Variants in CDR2 observed in about 807,000 individuals in gnomAD.
CDR2 encodes the protein cerebellar degeneration-related protein 2.
Under a neutral mutation model 48.4 loss-of-function variants are expected in CDR2, and 34 were observed. The ratio of observed to expected loss-of-function variants is 0.70; its 90% confidence interval spans 0.53 to 0.94. The LOEUF (loss-of-function observed/expected upper bound fraction) is 0.94. Among genes scored for constraint, CDR2 ranks in the 40% least tolerant of loss-of-function variants. The pLI is 0.00. For missense variants in CDR2, 498 were observed against 549.5 expected, an observed-to-expected ratio of 0.91 and a Z score of 0.94; for synonymous variants, 240 against 219.7, an observed-to-expected ratio of 1.09 and a Z score of -0.82.
chr16:22,372,919 A>G (rs2049088027), intron 1 of CDR2, among the ~76,000 whole-genome samples: 1 of 152,210 alleles, frequency 6.6e-6, no homozygotes, highest in Non-Finnish European at 1.5e-5. Context: ...TGATCATTTA[A>G]TATTCAACTA....
intron 1 of CDR2, chr16:22,369,052 C>T (rs1314923075): frequency 6.6e-6 from 1 of 152,088 alleles, no homozygotes; most frequent in African/African-American, 2.4e-5. Flanking sequence ...AAAACATTAC[C>T]TAGGTATTAC....
At chr16:22,351,953 A>T (rs2048944780) in intron 2 of CDR2, among the ~76,000 whole-genome samples, 1 of 152,198 alleles carries the variant, frequency 6.6e-6, no homozygotes, top group Non-Finnish European at 1.5e-5. Flanking sequence ...TTGACTTTAA[A>T]AACACTCTTC....
intron 2 of CDR2, among the ~76,000 whole-genome samples, chr16:22,360,970 G>A (rs1478432372): frequency 6.6e-6 from 1 of 151,940 alleles, no homozygotes; most frequent in Non-Finnish European, 1.5e-5. Flanking sequence ...GGCTGGTCTC[G>A]AACTCCTGAC....
At chr16:22,357,137 C>T (rs1285059919) in intron 2 of CDR2, among the ~76,000 whole-genome samples, 1 of 152,134 alleles carries the variant, frequency 6.6e-6, no homozygotes, top group Non-Finnish European at 1.5e-5. Flanking sequence ...CAATCTTGGT[C>T]TCCCAGGTTC....
At position 22,351,596 on chromosome 16, in the gene CDR2, C is replaced by T. The variant is rs142082382; in HGVS notation, c.193-1747G>A. Among the ~76,000 whole-genome samples, 255 of 152,238 alleles carry T rather than the reference C, an allele frequency of 1.7e-3. 2 individuals are homozygous for T. Among genetic ancestry groups the T allele is most frequent in the African/African-American group, 5.9e-3 (246 of 41,522 alleles). On this transcript the variant is annotated intron_variant, in intron 2 of 4. Transcript: ENST00000268383. ...AAAAATGAAAAGTATGTTGCTTTGA[C>T]GAGAAATATATTTTAGCTTAATATG...
rs746533834 is a variant in CDR2, at chr16:22,374,341, C to T, written c.-32G>A. ...TGGGTCTTCTAGGGGCAGCGGCCCC[C>T]GCCGCCGTCCCGCCTCAGCCGCTGC... On this transcript the variant is annotated 5_prime_UTR_variant, in exon 1 of 5. Coordinates refer to ENST00000268383, the MANE Select transcript of CDR2 (RefSeq NM_001802.2). The T allele has an allele frequency of 4.0e-6, 6 of 1,488,884 alleles. No homozygotes were observed. The highest frequency in any genetic ancestry group is 5.5e-6 in the Non-Finnish European group (6 of 1,083,962). 92.2% of individuals were successfully genotyped at this position (1,488,884 alleles called of 1,614,324 possible). A position where few individuals can be genotyped will look rare whatever the true frequency, so the allele number is the denominator to read the frequency against.
rs758733009 is a variant in CDR2, at chr16:22,346,923, C to T, written c.*42G>A. 4.3e-5 allele frequency: 67 copies of T among 1,572,966 alleles called. No homozygotes were observed. The highest frequency in any genetic ancestry group is 9.4e-5 in the South Asian group (8 of 84,826). On this transcript the variant is annotated 3_prime_UTR_variant, in exon 5 of 5. Coordinates refer to ENST00000268383, the MANE Select transcript of CDR2 (RefSeq NM_001802.2). ...CACTTGTCTGAATGGGAGAGAGAGG[C>T]GATAGGCAATAGGCAAATTAGTAGT...
At chr16:22,356,899 C>CCACTG (rs2048977494) in intron 2 of CDR2, among the ~76,000 whole-genome samples, 1 of 147,952 alleles carries the variant, frequency 6.8e-6, no homozygotes. Context: ...CAAGATCATG[C>CCACTG]CACTGCACTC....
intron 1 of CDR2, among the ~76,000 whole-genome samples, chr16:22,365,375 G>T (rs765236166): frequency 3.3e-5 from 5 of 152,186 alleles, no homozygotes; most frequent in Non-Finnish European, 5.9e-5. Flanking sequence ...TTGAGCCAAG[G>T]TATAGGTGGA....
chr16:22,349,199 T>G, intron 4 of CDR2, 80 bp downstream of exon 4: 1 of 1,477,246 alleles, frequency 6.8e-7, no homozygotes. Context: ...AAAATGGTAC[T>G]TTCAATCTAC....
At chr16:22,362,360 C>T (rs1007137994) in intron 2 of CDR2, among the ~76,000 whole-genome samples, 1 of 152,150 alleles carries the variant, frequency 6.6e-6, no homozygotes, top group Non-Finnish European at 1.5e-5. Flanking sequence ...AATGATCTAG[C>T]TTAAATGTTT....
Position 22,374,373 on chromosome 16 carries a change from C to T in CDR2, c.-64G>A. The T allele has an allele frequency of 8.2e-7, 1 of 1,219,992 alleles. No homozygotes were observed. Among genetic ancestry groups the T allele is most frequent in the Non-Finnish European group, 1.2e-6 (1 of 855,194 alleles). The allele number at this position is 1,219,992 out of a possible 1,614,324, so 75.6% of individuals were successfully genotyped here. ...GTCCCGCCTCAGCCGCTGCCCCGGG[C>T]TCTTCCCCGGCCCCTCCGCCCTCAG... On this transcript the variant is annotated 5_prime_UTR_variant, in exon 1 of 5. Transcript: ENST00000268383.
At chr16:22,355,347 A>G (rs566292903) in intron 2 of CDR2, among the ~76,000 whole-genome samples, 3 of 152,286 alleles carry the variant, frequency 2.0e-5, no homozygotes, top group South Asian at 2.1e-4. Flanking sequence ...ACGATCCCCT[A>G]TCCGGGGGGA....
chr16:22,359,696 G>A (rs1463228436), intron 2 of CDR2, among the ~76,000 whole-genome samples: 1 of 152,150 alleles, frequency 6.6e-6, no homozygotes, highest in Non-Finnish European at 1.5e-5. Flanking sequence ...AATTAAAATT[G>A]AGGGTTTAAA....
intron 2 of CDR2, among the ~76,000 whole-genome samples, chr16:22,361,897 C>CTTTTT: frequency 1.5e-5 from 1 of 68,140 alleles, no homozygotes. Flanking sequence ...GAATTTTATA[C>CTTTTT]TTTTTTTTTT....
chr16:22,361,045 A>C (rs978949192), intron 2 of CDR2, among the ~76,000 whole-genome samples: 1 of 152,162 alleles, frequency 6.6e-6, no homozygotes, highest in Admixed American at 6.5e-5. Context: ...CACTGCGCCA[A>C]GCTGTGTATT....
Position 22,364,949 on chromosome 16 carries a change from CAG to C in CDR2, c.143_144del (p.Ser48CysfsTer16), listed in dbSNP as rs771434532. On this transcript the variant is annotated frameshift_variant, in exon 2 of 5. Transcript: ENST00000268383. LOFTEE classifies it high-confidence loss of function. ...TGATTGGTTGTATACATCTGCTGAA[CAG>C]AGTCCTCCAACTCTGTGTTCCGATC... The part of the protein sequence containing the change: ...LLDRNTELED[S>X]VQQMYTTNQE... 1.2e-6 allele frequency: 2 copies of C among 1,613,768 alleles called. No individual in the cohort carries two copies.
At chr16:22,353,058 G>C (rs2048952915) in intron 2 of CDR2, among the ~76,000 whole-genome samples, 2 of 152,132 alleles carry the variant, frequency 1.3e-5, no homozygotes, top group Non-Finnish European at 2.9e-5. Context: ...ATATATAATA[G>C]CTGCAGAAAT....
chr16:22,349,201 T>C (rs1055597719), intron 4 of CDR2, 78 bp downstream of exon 4: 3 of 1,485,124 alleles, frequency 2.0e-6, no homozygotes, highest in African/African-American at 2.8e-5. Flanking sequence ...AATGGTACTT[T>C]CAATCTACTG....
Sources: allele counts gnomAD v4.1 joint callset (sites outside exome capture counted in the v4.1 genomes callset), GRCh38; gene constraint gnomAD v4.1.1; transcripts MANE v1.5; gene names NCBI Gene and HGNC (gene_info 2026-07-23, HGNC 2026-07-21).